Variants in IRGM observed in about 807,000 individuals in gnomAD.
IRGM encodes the protein immunity-related GTPase family M protein.
For synonymous variants in IRGM, 98 were observed against 80.6 expected, an observed-to-expected ratio of 1.22 and a Z score of -1.16; for missense variants, 288 against 219.9, an observed-to-expected ratio of 1.31 and a Z score of -1.96.
intron 3 of IRGM, among the ~76,000 whole-genome samples, chr5:150,881,513 G>A (rs1475594917): frequency 6.6e-6 from 1 of 152,064 alleles, no homozygotes; most frequent in Non-Finnish European, 1.5e-5. Context: ...AAGGACACTA[G>A]TAACATAAAA....
At chr5:150,897,201 G>A in intron 3 of IRGM, 1 of 402,118 alleles carries the variant, frequency 2.5e-6, no homozygotes, top group Middle Eastern at 6.3e-4. Context: ...AGATGAAAAA[G>A]TGGGGTCTCA....
At chr5:150,865,501 T>G (rs762055158) in intron 1 of IRGM, among the ~76,000 whole-genome samples, 44 of 152,196 alleles carry the variant, frequency 2.9e-4, no homozygotes, top group Non-Finnish European at 5.1e-4. Flanking sequence ...ACAGAAATCT[T>G]GAAACAGAAA....
intron 1 of IRGM, among the ~76,000 whole-genome samples, chr5:150,858,135 T>C (rs1413277439): frequency 2.0e-5 from 3 of 152,106 alleles, no homozygotes; most frequent in African/African-American, 7.2e-5. Flanking sequence ...GTTTCAGCTT[T>C]CTACATATGG....
In IRGM at chr5:150,864,952, A is replaced by T. The variant is rs150209748; in HGVS notation, c.159-13028A>T. Among the ~76,000 whole-genome samples, 47 of 152,300 alleles carry T rather than the reference A, an allele frequency of 3.1e-4. 2 individuals are homozygous for T. In the East Asian group the frequency reaches 6.9e-3, roughly 22 times the overall value. ...TGCTTCATGAAAACCCCAGGACCAGAGTTATAAGGAGAAGGTGAAATAAAA... is the reference window on the plus strand; with the variant it reads ...TGCTTCATGAAAACCCCAGGACCAGTGTTATAAGGAGAAGGTGAAATAAAA... On this transcript the variant is annotated intron_variant and NMD_transcript_variant, in intron 1 of 3. Transcript: ENST00000520549.
chr5:150,881,501 A>G (rs1191880205), intron 3 of IRGM, among the ~76,000 whole-genome samples: 1 of 152,172 alleles, frequency 6.6e-6, no homozygotes, highest in East Asian at 1.9e-4. Context: ...AAGCTAAAGG[A>G]AAAGGACACT....
chr5:150,860,183 TA>T (rs1190443346), intron 1 of IRGM, among the ~76,000 whole-genome samples: 2 of 152,246 alleles, frequency 1.3e-5, no homozygotes, highest in East Asian at 3.8e-4. Flanking sequence ...ACGTCTCCTA[TA>T]ACATTTTTGT....
intron 1 of IRGM, among the ~76,000 whole-genome samples, chr5:150,869,696 T>C (rs543372063): frequency 3.9e-5 from 6 of 152,310 alleles, no homozygotes; most frequent in African/African-American, 1.4e-4. Context: ...TCTTCCTGGT[T>C]TAATCTGTGA....
downstream of IRGM, among the ~76,000 whole-genome samples, chr5:150,849,051 C>T (rs1041901014): frequency 6.6e-6 from 1 of 151,824 alleles, no homozygotes; most frequent in Non-Finnish European, 1.5e-5. Context: ...CACGGTATAA[C>T]CTCAAGGCAA....
In IRGM at chr5:150,848,366, C is replaced by T. The variant is rs1315039824; in HGVS notation, c.243C>T (p.Ser81=). ...ATQRCASYFS[S]HFSNVVLWDL... ...AAAGATGTGCCTCCTATTTCTCTTC[C>T]CACTTTTCAAATGTGGTGTTGTGGG... The change falls in exon 2 of 2, where the codon TCC becomes TCT. Residue 81 remains serine (S), a synonymous_variant. Coordinates refer to ENST00000522154, the MANE Select transcript of IRGM (RefSeq NM_001145805.2). 20 of 1,551,832 alleles carry T rather than the reference C, an allele frequency of 1.3e-5. No individual in the cohort carries two copies. Among genetic ancestry groups the T allele is most frequent in the Non-Finnish European group, 1.7e-5 (20 of 1,146,980 alleles).
chr5:150,860,304 A>G (rs1362300652), intron 1 of IRGM, among the ~76,000 whole-genome samples: 1 of 152,226 alleles, frequency 6.6e-6, no homozygotes, highest in Non-Finnish European at 1.5e-5. Flanking sequence ...ATTAATGCTC[A>G]AATTGTTTTA....
chr5:150,855,617 A>G (rs1561741327), intron 1 of IRGM, among the ~76,000 whole-genome samples: 2 of 152,198 alleles, frequency 1.3e-5, no homozygotes, highest in African/African-American at 4.8e-5. Context: ...ATTTTCCAAC[A>G]TGGTAGATTC....
At chr5:150,882,312 C>T (rs929843201) in intron 3 of IRGM, among the ~76,000 whole-genome samples, 1 of 151,280 alleles carries the variant, frequency 6.6e-6, no homozygotes, top group Non-Finnish European at 1.5e-5. Context: ...AAGAAAGGAA[C>T]AAAGAATCTA....
intron 1 of IRGM, among the ~76,000 whole-genome samples, chr5:150,865,358 A>T (rs1754191899): frequency 7.1e-6 from 1 of 140,984 alleles, no homozygotes; most frequent in South Asian, 2.2e-4. Context: ...GGAAGATGTT[A>T]CATATAAACT....
Position 150,848,570 on chromosome 5 carries a change from C to T in IRGM, c.447C>T (p.Asp149=), listed in dbSNP as rs760219696. The change falls in exon 2 of 2, where the codon GAC becomes GAT. Residue 149 remains aspartate (D), a synonymous_variant. Transcript: ENST00000522154. ...TCTACATTGTCTGGACCAAGCTAGACATGGACCTCAGCACAGGTGCCCTCC... is the reference window on the plus strand; with the variant it reads ...TCTACATTGTCTGGACCAAGCTAGATATGGACCTCAGCACAGGTGCCCTCC... ...KKFYIVWTKL[D]MDLSTGALPE... 5.9e-5 allele frequency: 92 copies of T among 1,551,822 alleles called. No homozygotes were observed. The African/African-American group carries it at 1.1e-3, about 18-fold the overall frequency.
intron 3 of IRGM, among the ~76,000 whole-genome samples, chr5:150,881,918 C>A (rs1242409230): frequency 6.6e-6 from 1 of 152,128 alleles, no homozygotes; most frequent in Non-Finnish European, 1.5e-5. Context: ...CACAGTGGCT[C>A]ACCCTGTAAT....
In IRGM at chr5:150,898,002, T is replaced by A. The variant is rs1373065852; in HGVS notation, c.*141-2587T>A. 3.8e-6 allele frequency: 6 copies of A among 1,566,714 alleles called. No homozygotes were observed. In the East Asian group the frequency reaches 9.0e-5, roughly 23 times the overall value. On this transcript the variant is annotated intron_variant and NMD_transcript_variant, in intron 3 of 3. Coordinates refer to the IRGM transcript ENST00000520549. ...AAAGAATAGGAGATTTTGATAAGGATAGAAACATAAACCTCAGGCACCAAT... is the reference window on the plus strand; with the variant it reads ...AAAGAATAGGAGATTTTGATAAGGAAAGAAACATAAACCTCAGGCACCAAT...
chr5:150,863,021 A>G (rs986368572), intron 1 of IRGM, among the ~76,000 whole-genome samples: 16 of 152,246 alleles, frequency 1.1e-4, no homozygotes, highest in African/African-American at 3.9e-4. Flanking sequence ...GTTGAGAAGA[A>G]ATAACAGGAA....
intron 1 of IRGM, among the ~76,000 whole-genome samples, chr5:150,859,591 G>A (rs1301022045): frequency 2.6e-5 from 4 of 152,180 alleles, no homozygotes; most frequent in East Asian, 3.9e-4. Context: ...ATTGATTATT[G>A]CCTCAATTTC....
chr5:150,867,769 T>C (rs1055242006), intron 1 of IRGM, among the ~76,000 whole-genome samples: 29 of 152,148 alleles, frequency 1.9e-4, no homozygotes, highest in African/African-American at 6.8e-4. Context: ...TGGCCATTTG[T>C]ATATCTTCTT....
Sources: allele counts gnomAD v4.1 joint callset (sites outside exome capture counted in the v4.1 genomes callset), GRCh38; gene constraint gnomAD v4.1.1; transcripts MANE v1.5; gene names NCBI Gene and HGNC (gene_info 2026-07-23, HGNC 2026-07-21).